The following ADAMTSL1 variants were observed in gnomAD, a reference collection of about 807,000 sequenced individuals.
ADAMTSL1 encodes ADAMTS-like protein 1.
In ADAMTSL1, 126 loss-of-function variants were observed where a neutral mutation model predicts 201.8. The observed-to-expected ratio is 0.62, with a 90% CI of 0.54 to 0.72. The LOEUF is 0.72. ADAMTSL1 is among the 30% of genes least tolerant of loss of function. ADAMTSL1 has a pLI of 0.00. For synonymous variants in ADAMTSL1, 1,121 were observed against 903.4 expected (o/e 1.24, Z -4.32); for missense variants, 2,679 against 2,277.8 (o/e 1.18, Z -3.59).
intron 23 of ADAMTSL1, among the ~76,000 whole-genome samples, chr9:18,876,937 G>C (rs1588289309): frequency 6.6e-6 from 1 of 152,238 alleles, no homozygotes; most frequent in East Asian, 1.9e-4. Context: ...TGAAGGCTTT[G>C]TTCATTTGTT....
At chr9:18,119,760 T>C (rs1188922340) in intron 1 of ADAMTSL1, among the ~76,000 whole-genome samples, 1 of 152,084 alleles carries the variant, frequency 6.6e-6, no homozygotes, top group African/African-American at 2.4e-5. Flanking sequence ...TCAGGGTGTA[T>C]GTCTGAAAGG....
At chr9:18,044,732 A>AC (rs1821585933) in intron 1 of ADAMTSL1, among the ~76,000 whole-genome samples, 1 of 152,112 alleles carries the variant, frequency 6.6e-6, no homozygotes. Context: ...ACTTGCAAAT[A>AC]TTATTTAGCC....
At chr9:18,162,683 A>G (rs536285110) in intron 1 of ADAMTSL1, among the ~76,000 whole-genome samples, 32 of 152,164 alleles carry the variant, frequency 2.1e-4, no homozygotes, top group African/African-American at 4.8e-4. Flanking sequence ...ATTATTTTCA[A>G]GAAGGTATAA....
intron 2 of ADAMTSL1, among the ~76,000 whole-genome samples, chr9:18,287,783 C>G (rs533773071): frequency 6.6e-6 from 1 of 152,024 alleles, no homozygotes. Flanking sequence ...ATATAGTCTT[C>G]CAGTTGGGAA....
chr9:18,754,329 T>C (rs747333843), intron 16 of ADAMTSL1, among the ~76,000 whole-genome samples: 11 of 152,216 alleles, frequency 7.2e-5, no homozygotes, highest in Non-Finnish European at 1.3e-4. Flanking sequence ...CAAACGTTAA[T>C]ATTTTTGCAT....
chr9:18,462,844 C>T (rs974015303), intron 2 of ADAMTSL1, among the ~76,000 whole-genome samples: 1 of 151,962 alleles, frequency 6.6e-6, no homozygotes, highest in African/African-American at 2.4e-5. Flanking sequence ...GAGGCTGAGG[C>T]AGGAGAATCA....
At chr9:18,290,781 GTT>G (rs71492936) in intron 2 of ADAMTSL1, among the ~76,000 whole-genome samples, 3 of 135,106 alleles carry the variant, frequency 2.2e-5, no homozygotes, top group Non-Finnish European at 4.7e-5. Flanking sequence ...TTTTTTGTGT[GTT>G]TTTTTTTTTT....
chr9:18,790,883 C>G (rs1454943302), intron 19 of ADAMTSL1, among the ~76,000 whole-genome samples: 1 of 152,086 alleles, frequency 6.6e-6, no homozygotes, highest in Non-Finnish European at 1.5e-5. Flanking sequence ...CCTAGCATGA[C>G]CACAGTACCA....
chr9:18,030,735 G>T (rs927778223), intron 1 of ADAMTSL1, among the ~76,000 whole-genome samples: 1 of 151,914 alleles, frequency 6.6e-6, no homozygotes, highest in Non-Finnish European at 1.5e-5. Flanking sequence ...AATTTTTGTG[G>T]ACTGTATACT....
At chr9:18,365,231 C>G (rs2133098188) in intron 2 of ADAMTSL1, among the ~76,000 whole-genome samples, 1 of 152,084 alleles carries the variant, frequency 6.6e-6, no homozygotes, top group East Asian at 1.9e-4. Flanking sequence ...CCATTGAAGC[C>G]CATACAAATT....
intron 7 of ADAMTSL1, among the ~76,000 whole-genome samples, chr9:18,656,427 C>CGA (rs1348355933): frequency 2.6e-5 from 4 of 151,818 alleles, no homozygotes; most frequent in Admixed American, 2.6e-4. Context: ...GTCAGGAGAT[C>CGA]GACCATCCTG....
chr9:18,051,407 G>A (rs1323840557), intron 1 of ADAMTSL1, among the ~76,000 whole-genome samples: 1 of 152,190 alleles, frequency 6.6e-6, no homozygotes, highest in Non-Finnish European at 1.5e-5. Context: ...CTTCCATGAA[G>A]GGGAAGGTAG....
intron 2 of ADAMTSL1, among the ~76,000 whole-genome samples, chr9:18,335,638 C>T (rs1272072094): frequency 5.9e-5 from 9 of 152,134 alleles, no homozygotes; most frequent in Non-Finnish European, 1.3e-4. Context: ...TAAATAACCT[C>T]ATAGCTTTCC....
chr9:18,057,479 T>C (rs185146253), intron 1 of ADAMTSL1, among the ~76,000 whole-genome samples: 35 of 152,340 alleles, frequency 2.3e-4, no homozygotes, highest in Middle Eastern at 3.4e-3. Context: ...CCATGGAAAG[T>C]TGGCAACAGG....
chr9:18,019,080 G>A (rs1464464689), intron 1 of ADAMTSL1, among the ~76,000 whole-genome samples: 2 of 151,954 alleles, frequency 1.3e-5, no homozygotes, highest in Non-Finnish European at 2.9e-5. Context: ...AAATGTTTTC[G>A]AAAAACTGGA....
At chr9:18,838,383 AC>A (rs1825462660) in intron 23 of ADAMTSL1, among the ~76,000 whole-genome samples, 5 of 140,694 alleles carry the variant, frequency 3.6e-5, no homozygotes, top group Admixed American at 6.9e-5. Flanking sequence ...ACACACACAC[AC>A]ACACACACAC....
intron 1 of ADAMTSL1, among the ~76,000 whole-genome samples, chr9:18,140,485 C>T (rs1157931886): frequency 1.3e-5 from 2 of 152,172 alleles, no homozygotes; most frequent in Non-Finnish European, 2.9e-5. Context: ...ACAAGTTGGA[C>T]ACACATGTGT....
chr9:18,366,301 G>C (rs1390809005), intron 2 of ADAMTSL1, among the ~76,000 whole-genome samples: 1 of 146,648 alleles, frequency 6.8e-6, no homozygotes, highest in Admixed American at 6.8e-5. Context: ...GAAAAAGATT[G>C]AGCGTGCATC....
At chr9:18,171,519 A>G (rs747874367) in intron 2 of ADAMTSL1, among the ~76,000 whole-genome samples, 138 of 152,240 alleles carry the variant, frequency 9.1e-4, no homozygotes, top group Non-Finnish European at 1.5e-3. Flanking sequence ...ATTCTTTGCA[A>G]TGTACATAAC....
Sources: gnomAD v4.1 joint callset for allele counts (sites outside exome capture counted in the v4.1 genomes callset) on GRCh38, gnomAD v4.1.1 for gene constraint, MANE v1.5 for transcripts, NCBI Gene and HGNC (gene_info 2026-07-23, HGNC 2026-07-21) for gene names.